The following KIAA1958 variants were observed in gnomAD, a reference collection of about 807,000 sequenced individuals.
KIAA1958 encodes the protein KIAA1958.
A neutral mutation model predicts 47.2 loss-of-function variants in KIAA1958; 14 were observed. The ratio of observed to expected loss-of-function variants is 0.30; its 90% CI spans 0.20 to 0.46. KIAA1958 has a LOEUF of 0.46. KIAA1958 is among the 20% of genes least tolerant of loss of function. The pLI, the probability that KIAA1958 is intolerant of heterozygous loss-of-function variation, is 1.00. For synonymous variants in KIAA1958, 354 were observed against 353.3 expected, an observed-to-expected ratio of 1.00 and a Z score of -0.02; for missense variants, 803 against 909.2, an observed-to-expected ratio of 0.88 and a Z score of 1.50.
intron 1 of KIAA1958, among the ~76,000 whole-genome samples, chr9:112,540,674 T>A (rs1384591442): frequency 6.6e-6 from 1 of 152,026 alleles, no homozygotes; most frequent in Non-Finnish European, 1.5e-5. Flanking sequence ...TGCTTTTGTT[T>A]AAGTTAAATT....
chr9:112,506,956 A>G (rs891074037), intron 1 of KIAA1958, among the ~76,000 whole-genome samples: 4 of 152,186 alleles, frequency 2.6e-5, no homozygotes, highest in Non-Finnish European at 5.9e-5. Flanking sequence ...TATTGTAGCA[A>G]TTGTGGTATT....
rs1013851984 is a variant in KIAA1958, at chr9:112,607,293, A to G, written c.1171+32042A>G. 2.6e-5 allele frequency among the ~76,000 whole-genome samples: 4 copies of G among 151,924 alleles called. No individual in the cohort carries two copies. The South Asian group carries it at 6.2e-4, about 24-fold the overall frequency. On this transcript the variant is annotated intron_variant, in intron 2 of 3. Transcript: ENST00000337530. The stretch of plus-strand genomic sequence containing the variant: ...AATCGCTTGAACCCAGGATAGCGCC[A>G]CTGCACTCCAACCTGAGCGACACAG...
intron 2 of KIAA1958, among the ~76,000 whole-genome samples, chr9:112,593,547 G>C (rs891689589): frequency 2.6e-5 from 4 of 152,144 alleles, no homozygotes; most frequent in African/African-American, 9.7e-5. Flanking sequence ...GGATGGAGGG[G>C]TGCAGTGGGA....
chr9:112,594,024 C>T (rs567831968), intron 2 of KIAA1958, among the ~76,000 whole-genome samples: 1 of 152,138 alleles, frequency 6.6e-6, no homozygotes, highest in Non-Finnish European at 1.5e-5. Context: ...ACTACCACAT[C>T]TGGCTATTTT....
intron 2 of KIAA1958, among the ~76,000 whole-genome samples, chr9:112,636,125 A>G (rs1307226114): frequency 6.7e-6 from 1 of 148,266 alleles, no homozygotes; most frequent in Non-Finnish European, 1.5e-5. Context: ...TATATACTAT[A>G]CATATATCAT....
At chr9:112,577,534 T>C (rs1390570289) in intron 2 of KIAA1958, among the ~76,000 whole-genome samples, 77 of 134,402 alleles carry the variant, frequency 5.7e-4, no homozygotes, top group African/African-American at 2.7e-3. Flanking sequence ...CTGCCCCCCT[T>C]TTTTTTTTTT....
chr9:112,598,237 A>C (rs1438445632), intron 2 of KIAA1958, among the ~76,000 whole-genome samples: 4 of 152,210 alleles, frequency 2.6e-5, no homozygotes, highest in African/African-American at 4.8e-5. Context: ...AAGATGCCTT[A>C]AGATACTGAA....
chr9:112,598,037 T>C (rs962328245), intron 2 of KIAA1958, among the ~76,000 whole-genome samples: 35 of 152,200 alleles, frequency 2.3e-4, no homozygotes, highest in African/African-American at 8.4e-4. Context: ...TAGAAATAGA[T>C]AATTATAAAT....
chr9:112,572,546 A>ATCCCT (rs1835558078), intron 1 of KIAA1958, among the ~76,000 whole-genome samples: 1 of 152,214 alleles, frequency 6.6e-6, no homozygotes, highest in Non-Finnish European at 1.5e-5. Flanking sequence ...ATCCCTTGAG[A>ATCCCT]TGATACAGGC....
chr9:112,646,690 C>T (rs543390999), intron 3 of KIAA1958, among the ~76,000 whole-genome samples: 3 of 152,124 alleles, frequency 2.0e-5, no homozygotes, highest in Admixed American at 2.0e-4. Flanking sequence ...TGTGCTACAG[C>T]CATGACTGTA....
intron 1 of KIAA1958, among the ~76,000 whole-genome samples, chr9:112,532,490 A>G (rs918234054): frequency 6.6e-6 from 1 of 152,218 alleles, no homozygotes; most frequent in African/African-American, 2.4e-5. Context: ...TCACTAGGAA[A>G]TATCATTGCA....
intron 1 of KIAA1958, among the ~76,000 whole-genome samples, chr9:112,539,240 T>C (rs1222139718): frequency 6.6e-6 from 1 of 152,192 alleles, no homozygotes; most frequent in Non-Finnish European, 1.5e-5. Flanking sequence ...TAAAAACTTG[T>C]GTGTGAATTC....
At chr9:112,529,370 T>A (rs1834713696) in intron 1 of KIAA1958, among the ~76,000 whole-genome samples, 1 of 152,232 alleles carries the variant, frequency 6.6e-6, no homozygotes, top group Admixed American at 6.5e-5. Flanking sequence ...AAGTCCATAC[T>A]TTATTTGAAT....
At chr9:112,509,718 G>A (rs1834292233) in intron 1 of KIAA1958, among the ~76,000 whole-genome samples, 1 of 152,218 alleles carries the variant, frequency 6.6e-6, no homozygotes, top group Admixed American at 6.5e-5. Context: ...AAAGTTTGAA[G>A]TGGAAGAAAG....
chr9:112,488,542 T>C (rs1000883583), intron 1 of KIAA1958, among the ~76,000 whole-genome samples: 13 of 152,100 alleles, frequency 8.5e-5, no homozygotes, highest in African/African-American at 3.1e-4. Context: ...CCTGTGAGAA[T>C]TTATATTGAC....
chr9:112,625,150 T>C lies in KIAA1958; in HGVS notation c.1172-20500T>C, dbSNP rs527358904. On this transcript the variant is annotated intron_variant, in intron 2 of 3. Transcript: ENST00000337530. ...TTAATCTACCTTTTAATGTATTTAT[T>C]TGTTTTTCGAGACAGGGTCTCGCTC... is the stretch of plus-strand genomic sequence containing the variant. 1.1e-3 allele frequency among the ~76,000 whole-genome samples: 170 copies of C among 152,260 alleles called. 1 individual carries two copies. Among genetic ancestry groups the C allele is most frequent in the African/African-American group, 3.8e-3 (158 of 41,546 alleles).
intron 1 of KIAA1958, among the ~76,000 whole-genome samples, chr9:112,512,272 G>A (rs535663635): frequency 2.0e-5 from 3 of 152,192 alleles, no homozygotes; most frequent in South Asian, 2.1e-4. Flanking sequence ...AAATTTTAGC[G>A]AATGATCCAG....
intron 1 of KIAA1958, among the ~76,000 whole-genome samples, chr9:112,490,633 A>G (rs985082846): frequency 6.6e-6 from 1 of 152,246 alleles, no homozygotes; most frequent in African/African-American, 2.4e-5. Flanking sequence ...AGAAACGAAA[A>G]GTACTGAAAA....
At chr9:112,595,125 C>T (rs1443907713) in intron 2 of KIAA1958, among the ~76,000 whole-genome samples, 2 of 152,132 alleles carry the variant, frequency 1.3e-5, no homozygotes, top group Non-Finnish European at 2.9e-5. Context: ...TTTCTGACCT[C>T]CTTCATATCT....
Sources: allele counts gnomAD v4.1 joint callset (sites outside exome capture counted in the v4.1 genomes callset), GRCh38; gene constraint gnomAD v4.1.1; transcripts MANE v1.5; gene names NCBI Gene and HGNC (gene_info 2026-07-23, HGNC 2026-07-21).